The following RIGI variants were observed in gnomAD, a reference collection of about 807,000 sequenced individuals.
The protein encoded by RIGI is RNA sensor RIG-I.
the RIGI span, among the ~76,000 whole-genome samples, chr9:32,477,431 G>A: frequency 0.032 from 4,846 of 152,210 alleles, 263 homozygotes; most frequent in African/African-American, 0.11. Flanking sequence ...TGTTCAGGGT[G>A]TAAAAGAAAA....
At chr9:32,489,383 C>A in the RIGI span, 1 of 1,613,246 alleles carries the variant, frequency 6.2e-7, no homozygotes, top group South Asian at 1.1e-5. Context: ...CCTTTCATAG[C>A]AGGCAAAGCA....
At chr9:32,459,519 TG>T in the RIGI span, 1 of 1,601,224 alleles carries the variant, frequency 6.2e-7, no homozygotes, top group South Asian at 1.1e-5. Context: ...CAGAATCTAA[TG>T]CAAAAAGAAA....
At chr9:32,524,494 T>C in the RIGI span, among the ~76,000 whole-genome samples, 1 of 152,042 alleles carries the variant, frequency 6.6e-6, no homozygotes, top group East Asian at 1.9e-4. Context: ...GTTGCCGGTC[T>C]TAACGCCATT....
chr9:32,467,896 G>T, the RIGI span: 1 of 1,612,326 alleles, frequency 6.2e-7, no homozygotes, highest in Non-Finnish European at 8.5e-7. Flanking sequence ...GGCTTTGAAT[G>T]CATCCAATAT....
At chr9:32,521,515 T>C in the RIGI span, among the ~76,000 whole-genome samples, 1 of 152,192 alleles carries the variant, frequency 6.6e-6, no homozygotes, top group Admixed American at 6.5e-5. Flanking sequence ...TGATATCAAG[T>C]GTCTTAAATC....
chr9:32,507,112 C>A, the RIGI span, among the ~76,000 whole-genome samples: 1 of 152,066 alleles, frequency 6.6e-6, no homozygotes, highest in African/African-American at 2.4e-5. Context: ...TAATTTAATA[C>A]CATGCAGTTT....
At chr9:32,520,927 G>A in the RIGI span, among the ~76,000 whole-genome samples, 1 of 151,794 alleles carries the variant, frequency 6.6e-6, no homozygotes, top group African/African-American at 2.4e-5. Context: ...AGGCGGATCA[G>A]CTGAGGCCAC....
chr9:32,521,970 TG>T, the RIGI span, among the ~76,000 whole-genome samples: 2 of 151,400 alleles, frequency 1.3e-5, no homozygotes, highest in Non-Finnish European at 2.9e-5. Flanking sequence ...GTCCAGAGCT[TG>T]TTTATTTAGG....
chr9:32,501,579 C>T, the RIGI span, among the ~76,000 whole-genome samples: 6 of 152,098 alleles, frequency 3.9e-5, no homozygotes, highest in Non-Finnish European at 7.3e-5. Context: ...AATTATCTAC[C>T]AACCTGCTGG....
chr9:32,474,529 C>T, the RIGI span, among the ~76,000 whole-genome samples: 735 of 152,198 alleles, frequency 4.8e-3, 5 homozygotes, highest in African/African-American at 0.017. Flanking sequence ...AATTAGACAC[C>T]CTCTATCTCA....
chr9:32,513,336 A>C, the RIGI span, among the ~76,000 whole-genome samples: 1 of 152,254 alleles, frequency 6.6e-6, no homozygotes, highest in East Asian at 1.9e-4. Context: ...ACAAGGCTAC[A>C]GTAATCAAAA....
the RIGI span, chr9:32,467,892 G>A: frequency 6.2e-7 from 1 of 1,612,722 alleles, no homozygotes; most frequent in Non-Finnish European, 8.5e-7. Flanking sequence ...CACTGGCTTT[G>A]AATGCATCCA....
chr9:32,475,028 C>A, the RIGI span, among the ~76,000 whole-genome samples: 1 of 152,082 alleles, frequency 6.6e-6, no homozygotes, highest in Admixed American at 6.6e-5. Flanking sequence ...CTCAGCTCAC[C>A]GCAGCCTTCA....
the RIGI span, chr9:32,456,860 C>T: frequency 1.5e-5 from 6 of 403,028 alleles, no homozygotes; most frequent in Middle Eastern, 1.4e-3. Flanking sequence ...TGTTTGTTGG[C>T]AGTTGACTCT....
the RIGI span, chr9:32,466,459 TTTTAG>T: frequency 1.3e-6 from 2 of 1,579,840 alleles, no homozygotes; most frequent in Non-Finnish European, 1.7e-6. Flanking sequence ...AAAATAAATA[TTTTAG>T]TTGGTGTTTT....
the RIGI span, among the ~76,000 whole-genome samples, chr9:32,478,323 G>A: frequency 2.0e-5 from 3 of 152,142 alleles, no homozygotes; most frequent in East Asian, 1.9e-4. Context: ...GGCACTACAG[G>A]TGTGAGCCAC....
At chr9:32,489,451 T>C in the RIGI span, 1 of 1,607,038 alleles carries the variant, frequency 6.2e-7, no homozygotes, top group African/African-American at 1.3e-5. Flanking sequence ...ATCAGACACT[T>C]CTGGAATACA....
chr9:32,474,412 C>A, the RIGI span, among the ~76,000 whole-genome samples: 2 of 152,066 alleles, frequency 1.3e-5, no homozygotes, highest in Non-Finnish European at 2.9e-5. Context: ...TCATGTAATC[C>A]CCTCCCCTGA....
At chr9:32,459,011 C>T in the RIGI span, among the ~76,000 whole-genome samples, 2 of 151,946 alleles carry the variant, frequency 1.3e-5, no homozygotes, top group East Asian at 3.9e-4. Context: ...GCCTCAGCCT[C>T]CCGAGTAACT....
Sources: gnomAD v4.1 joint callset for allele counts (sites outside exome capture counted in the v4.1 genomes callset) on GRCh38, gnomAD v4.1.1 for gene constraint, MANE v1.5 for transcripts, NCBI Gene and HGNC (gene_info 2026-07-23, HGNC 2026-07-21) for gene names.